CSDE1: variants seen among roughly 807,000 people sequenced by gnomAD.
CSDE1 encodes the protein cold shock domain-containing protein E1.
CSDE1 carries 17 observed loss-of-function variants against 89.3 expected under a neutral mutation model. The observed-to-expected ratio is 0.19, with a 90% CI of 0.13 to 0.29. The LOEUF (loss-of-function observed/expected upper bound fraction) is 0.29, where lower values mean the gene tolerates loss of function less well. Among genes scored for constraint, CSDE1 ranks in the 10% least tolerant of loss-of-function variants. The pLI is 1.00. For missense variants in CSDE1, 672 were observed against 984.2 expected (o/e 0.68, Z 4.24); for synonymous variants, 322 against 332.8 (o/e 0.97, Z 0.35).
intron 1 of CSDE1, among the ~76,000 whole-genome samples, chr1:114,753,675 T>C (rs1287512023): frequency 1.3e-5 from 2 of 152,192 alleles, no homozygotes; most frequent in African/African-American, 4.8e-5. Context: ...CCCAGCACTG[T>C]GGCAGGCCAA....
In CSDE1 at chr1:114,718,707, C is replaced by T; in HGVS notation, c.2255G>A (p.Arg752Gln). The T allele has an allele frequency of 6.2e-7, 1 of 1,614,130 alleles. No homozygotes were observed. Among genetic ancestry groups the T allele is most frequent in the Non-Finnish European group, 8.5e-7 (1 of 1,180,028 alleles). Residue 752 changes from arginine to glutamine, a missense_variant, in exon 19 of 20, where the codon CGG becomes CAG. Physicochemically the swap from Arg to Gln is conservative, Grantham distance 43. This residue lies in a region of CSDE1 where 206 missense variants were observed against 332.4 expected (regional missense o/e 0.62). Transcript: ENST00000358528. ...PKAVAAPRPD[R>Q]LVNRLKNITL... The stretch of plus-strand genomic sequence containing the variant: ...GATATTCTTCAAGCGATTGACCAAC[C>T]GATCAGGTCGAGGAGCTGCAACAGC...
intron 1 of CSDE1, among the ~76,000 whole-genome samples, chr1:114,756,452 C>A (rs1438903855): frequency 1.3e-5 from 2 of 152,066 alleles, no homozygotes; most frequent in African/African-American, 4.8e-5. Context: ...AAAAGAAAAC[C>A]AAGGTATGTA....
chr1:114,734,245 T>G, intron 7 of CSDE1, 128 bp from the exon 8 acceptor site: 5 of 1,228,780 alleles, frequency 4.1e-6, no homozygotes, highest in Non-Finnish European at 5.6e-6. Flanking sequence ...CAACCTAATA[T>G]TATCAATTAA....
At chr1:114,724,226 TA>T (rs962004152) in intron 15 of CSDE1, 7 of 348,846 alleles carry the variant, frequency 2.0e-5, no homozygotes, top group African/African-American at 1.5e-4. Context: ...TAGAATTGTT[TA>T]AATAAAATTG....
Position 114,718,211 on chromosome 1 carries a change from A to G in CSDE1, c.2355T>C (p.Phe785=). ...CTTGACGGATCTTTCTTTCTGCACC[A>G]AACCCCTGTGGGGGGGAGAAAAAAA... ...QPRGPDNSMG[F]GAERKIRQAG... Residue 785 remains phenylalanine, a synonymous_variant, in exon 20 of 20, where the codon TTT becomes TTC. Transcript: ENST00000358528. 6.2e-7 allele frequency: 1 copy of G among 1,614,074 alleles called. No individual in the cohort carries two copies. Among genetic ancestry groups the G allele is most frequent in the Non-Finnish European group, 8.5e-7 (1 of 1,179,990 alleles).
At position 114,733,874 on chromosome 1, in the gene CSDE1, T is replaced by C; in HGVS notation, c.712-17A>G. 1 of 1,613,282 alleles carries C rather than the reference T, an allele frequency of 6.2e-7. No individual in the cohort carries two copies. Among genetic ancestry groups the C allele is most frequent in the Non-Finnish European group, 8.5e-7 (1 of 1,179,846 alleles). ...TTCTTTACCCTAAATCAGAAGGGGT[T>C]GGAGGTGGTGGGGGGACAGAGGAAG... On this transcript the variant is annotated splice_polypyrimidine_tract_variant and intron_variant, in intron 8 of 19. Coordinates refer to ENST00000358528, the MANE Select transcript of CSDE1 (RefSeq NM_001007553.3).
At chr1:114,718,267 ACAAT>A (rs1659307067) in intron 19 of CSDE1, 51 bp from the exon 20 acceptor site, 1 of 1,551,588 alleles carries the variant, frequency 6.4e-7, no homozygotes, top group African/African-American at 1.4e-5. Context: ...TGAGCGCACA[ACAAT>A]CATAGTACAT....
In CSDE1 at chr1:114,736,884, T is replaced by A. The variant is rs368333577; in HGVS notation, c.403-29A>T. ...TGAATTAATAAATCATTATTACTAT[T>A]TTGGCAGGATGCATATTCACTGTAT... On this transcript the variant is annotated intron_variant, in intron 5 of 19. Coordinates refer to ENST00000358528, the MANE Select transcript of CSDE1 (RefSeq NM_001007553.3). 8 of 1,532,750 alleles carry A rather than the reference T, an allele frequency of 5.2e-6. No homozygotes were observed. The African/African-American group carries it at 1.1e-4, about 21-fold the overall frequency. The allele number at this position is 1,532,750 out of a possible 1,614,324, so 94.9% of individuals were successfully genotyped here.
intron 1 of CSDE1, among the ~76,000 whole-genome samples, chr1:114,754,217 T>C (rs1402977702): frequency 9.9e-5 from 15 of 152,170 alleles, no homozygotes; most frequent in Admixed American, 9.8e-4. Flanking sequence ...GGTCTCGAAC[T>C]CCTGACCTCA....
intron 5 of CSDE1, among the ~76,000 whole-genome samples, chr1:114,737,246 A>G (rs893908403): frequency 1.3e-5 from 2 of 152,116 alleles, no homozygotes; most frequent in African/African-American, 4.8e-5. Flanking sequence ...ATTTTACCTT[A>G]ATGTTCTAAC....
At position 114,739,883 on chromosome 1, in the gene CSDE1, A is replaced by G. The variant is rs1446334612; in HGVS notation, c.8T>C (p.Phe3Ser). The change falls in exon 3 of 20, where the codon TTT (phenylalanine) becomes TCT (serine). Residue 3 changes from phenylalanine (F) to serine (S), a missense_variant. Around this residue, in one of 8 missense-constraint regions of CSDE1, gnomAD observed 26 missense variants for 24.3 expected, o/e 1.07. Transcript: ENST00000358528. The part of the protein sequence containing the change: MS[F>S]DPNLLHNNGH... ...ATTGTTGTGGAGAAGGTTTGGATCA[A>G]AGCTCATCTGTTTTAAAAAGAAAAA... 1 of 1,613,348 alleles carries G rather than the reference A, an allele frequency of 6.2e-7. No individual in the cohort carries two copies. Among genetic ancestry groups the G allele is most frequent in the Non-Finnish European group, 8.5e-7 (1 of 1,179,316 alleles).
intron 2 of CSDE1, among the ~76,000 whole-genome samples, chr1:114,745,194 T>A (rs552714393): frequency 2.6e-5 from 4 of 152,316 alleles, no homozygotes; most frequent in African/African-American, 9.6e-5. Flanking sequence ...TATCAAAATG[T>A]GGAGATATTT....
At chr1:114,723,336 TG>T (rs1451233423) in intron 16 of CSDE1, among the ~76,000 whole-genome samples, 3 of 152,180 alleles carry the variant, frequency 2.0e-5, no homozygotes, top group African/African-American at 7.2e-5. Flanking sequence ...ACAGCGGCAC[TG>T]GAACTCTGGG....
intron 3 of CSDE1, 136 bp from the exon 4 acceptor site, chr1:114,738,208 A>G: frequency 1.5e-6 from 1 of 665,610 alleles, no homozygotes; most frequent in Non-Finnish European, 2.7e-6. Context: ...GACCAGCAGC[A>G]TTAACATCAC....
rs537318530 is a variant in CSDE1, at chr1:114,722,952, C to A, written c.1873+931G>T. Among the ~76,000 whole-genome samples the A allele has an allele frequency of 2.0e-5, 3 of 152,338 alleles. No individual in the cohort carries two copies. The East Asian group carries it at 5.8e-4, about 29-fold the overall frequency. On this transcript the variant is annotated intron_variant, in intron 16 of 19. Transcript: ENST00000358528. Reference sequence around the variant, plus strand: ...ATTCAGCACTTTATGTTCGCTGACTCTTAGATGATGCAAGGACTTTATTCT... The same window carrying A: ...ATTCAGCACTTTATGTTCGCTGACTATTAGATGATGCAAGGACTTTATTCT...
At chr1:114,730,136 A>G in intron 12 of CSDE1, 122 bp downstream of exon 12, 1 of 1,129,834 alleles carries the variant, frequency 8.9e-7, no homozygotes, top group African/African-American at 1.6e-5. Flanking sequence ...TTCACTGTTA[A>G]TATGACAGAA....
chr1:114,727,400 G>A (rs1171198343), intron 12 of CSDE1, among the ~76,000 whole-genome samples: 1 of 152,026 alleles, frequency 6.6e-6, no homozygotes, highest in Non-Finnish European at 1.5e-5. Flanking sequence ...AATTAAACTG[G>A]GCATGTTACT....
chr1:114,738,661 CTTTTTTTTTTTTT>C (rs752985259), intron 3 of CSDE1, among the ~76,000 whole-genome samples: 927 of 80,082 alleles, frequency 0.012, 20 homozygotes, highest in African/African-American at 0.046. Flanking sequence ...CATGTAAAAA[CTTTTTTTTTTTTT>C]TTTTTTTTTT....
At chr1:114,753,731 C>A (rs941002098) in intron 1 of CSDE1, among the ~76,000 whole-genome samples, 8 of 152,100 alleles carry the variant, frequency 5.3e-5, no homozygotes, top group South Asian at 2.1e-4. Flanking sequence ...TGGTGAGATG[C>A]TGTCTCTACA....
Sources: allele counts gnomAD v4.1 joint callset (sites outside exome capture counted in the v4.1 genomes callset), GRCh38; gene constraint gnomAD v4.1.1; regional missense constraint gnomAD v4.1.1; transcripts MANE v1.5; gene names NCBI Gene and HGNC (gene_info 2026-07-23, HGNC 2026-07-21).